Variants in WDFY2 observed in about 807,000 individuals in gnomAD.
The protein encoded by WDFY2 is WD repeat and FYVE domain containing 2.
A neutral mutation model predicts 56.4 loss-of-function variants in WDFY2; 36 were observed. The ratio of observed to expected loss-of-function variants is 0.64; its 90% confidence interval spans 0.49 to 0.84. WDFY2 has a LOEUF of 0.84. WDFY2 is among the 40% of genes least tolerant of loss of function. The probability of loss-of-function intolerance (pLI) is 0.00; values close to 1 mark genes in which losing one functional copy is unlikely to be tolerated. For missense variants in WDFY2, 444 were observed against 512.2 expected (o/e 0.87, Z 1.29); for synonymous variants, 176 against 183.7 (o/e 0.96, Z 0.34).
At chr13:51,745,773 G>A (rs776913166) in intron 7 of WDFY2, among the ~76,000 whole-genome samples, 1 of 145,480 alleles carries the variant, frequency 6.9e-6, no homozygotes, top group Non-Finnish European at 1.5e-5. Context: ...AAACCAGGCT[G>A]GTCTTATGAG....
rs754163729 is a variant in WDFY2 at position 51,675,175 on chromosome 13, T to C, written c.211T>C (p.Cys71Arg). 6.2e-6 allele frequency: 10 copies of C among 1,613,822 alleles called. No homozygotes were observed. In the Admixed American group the frequency reaches 6.7e-5, roughly 11 times the overall value. The change falls in exon 3 of 12, where the codon TGT becomes CGT. Residue 71 changes from cysteine (C) to arginine (R), a missense_variant. Cys to Arg is a radical substitution (Grantham distance 180). Transcript: ENST00000298125. ...PSVYHAMPSPCSCMSFNPETR... is the reference protein window; with the variant it reads ...PSVYHAMPSPRSCMSFNPETR... Reference sequence around the variant, plus strand: ...AACATGTTCATTTCTTTCAGCTCCATGTTCATGCATGTCTTTTAACCCGGA... The same window carrying C: ...AACATGTTCATTTCTTTCAGCTCCACGTTCATGCATGTCTTTTAACCCGGA...
intron 4 of WDFY2, among the ~76,000 whole-genome samples, chr13:51,716,168 AG>A (rs1379328737): frequency 6.6e-6 from 1 of 152,198 alleles, no homozygotes; most frequent in Non-Finnish European, 1.5e-5. Context: ...TGTCAGGAAT[AG>A]GAGGGAATTC....
At chr13:51,648,812 G>A (rs1459293559) in intron 1 of WDFY2, among the ~76,000 whole-genome samples, 2 of 152,198 alleles carry the variant, frequency 1.3e-5, no homozygotes, top group Non-Finnish European at 2.9e-5. Flanking sequence ...CTGTTGAAAT[G>A]TGATCAGCTG....
At chr13:51,628,018 C>T (rs1954870321) in intron 1 of WDFY2, among the ~76,000 whole-genome samples, 1 of 152,156 alleles carries the variant, frequency 6.6e-6, no homozygotes, top group African/African-American at 2.4e-5. Flanking sequence ...CATAAGTTCT[C>T]GTTTTGGGCC....
chr13:51,620,348 G>A (rs1233091515), intron 1 of WDFY2, among the ~76,000 whole-genome samples: 1 of 152,006 alleles, frequency 6.6e-6, no homozygotes, highest in African/African-American at 2.4e-5. Context: ...GGCTGAGGAC[G>A]GCATCCCTCC....
chr13:51,594,819 C>T (rs1482120229), intron 1 of WDFY2, among the ~76,000 whole-genome samples: 2 of 152,152 alleles, frequency 1.3e-5, no homozygotes, highest in South Asian at 4.1e-4. Context: ...ACCTGCAGCA[C>T]CTGCAGCACT....
intron 3 of WDFY2, among the ~76,000 whole-genome samples, chr13:51,677,062 G>C (rs1455745698): frequency 6.6e-6 from 1 of 152,188 alleles, no homozygotes; most frequent in East Asian, 1.9e-4. Flanking sequence ...AGAAAGATGA[G>C]CAAAGTAAGT....
intron 2 of WDFY2, among the ~76,000 whole-genome samples, chr13:51,661,899 G>A (rs920534899): frequency 6.6e-6 from 1 of 152,142 alleles, no homozygotes; most frequent in Admixed American, 6.5e-5. Flanking sequence ...AGCCATGGCG[G>A]TGATGAGGGT....
At chr13:51,683,588 C>T (rs967174528) in intron 3 of WDFY2, among the ~76,000 whole-genome samples, 1 of 152,168 alleles carries the variant, frequency 6.6e-6, no homozygotes, top group Non-Finnish European at 1.5e-5. Context: ...ATATATCTTC[C>T]AGGGAATCAT....
chr13:51,727,263 T>G (rs1952624040), intron 5 of WDFY2, among the ~76,000 whole-genome samples: 1 of 152,194 alleles, frequency 6.6e-6, no homozygotes. Context: ...GCACCAATAC[T>G]ACACTTTTAA....
chr13:51,708,446 T>A (rs1380755707), intron 4 of WDFY2, among the ~76,000 whole-genome samples: 5 of 151,902 alleles, frequency 3.3e-5, no homozygotes, highest in Non-Finnish European at 7.4e-5. Context: ...ACCATTGTAC[T>A]CTACCCTGGG....
At chr13:51,664,169 G>A (rs1388412213) in intron 2 of WDFY2, among the ~76,000 whole-genome samples, 1 of 152,170 alleles carries the variant, frequency 6.6e-6, no homozygotes, top group Non-Finnish European at 1.5e-5. Context: ...TGGGGGAGTT[G>A]CAGACAAGAG....
At chr13:51,586,093 G>A in intron 1 of WDFY2, 2 of 398,542 alleles carry the variant, frequency 5.0e-6, no homozygotes, top group Non-Finnish European at 8.8e-6. Context: ...GAAATTCATG[G>A]CTGAAATGGA....
chr13:51,763,128 T>C lies in WDFY2; in HGVS notation c.*3359T>C, dbSNP rs1168796735. ...ATTAGTTATACAGGGCAGTTAGATA[T>C]GGCTGAGATGTAAACAAGAGAATCT... On this transcript the variant is annotated 3_prime_UTR_variant, in exon 12 of 12. Coordinates refer to ENST00000298125, the MANE Select transcript of WDFY2 (RefSeq NM_052950.4). 1 of 152,188 alleles carries C rather than the reference T, an allele frequency of 6.6e-6. No homozygotes were observed. Among genetic ancestry groups the C allele is most frequent in the Non-Finnish European group, 1.5e-5 (1 of 68,034 alleles). 9.4% of individuals were successfully genotyped at this position (152,188 alleles called of 1,614,324 possible). A position where few individuals can be genotyped will look rare whatever the true frequency, so the allele number is the denominator to read the frequency against.
chr13:51,725,207 C>T (rs567837253), intron 5 of WDFY2, among the ~76,000 whole-genome samples: 5 of 152,066 alleles, frequency 3.3e-5, no homozygotes, highest in Non-Finnish European at 5.9e-5. Flanking sequence ...GTTTATCCTA[C>T]GGTTTATTTA....
At chr13:51,585,906 G>T in intron 1 of WDFY2, 1 of 397,370 alleles carries the variant, frequency 2.5e-6, no homozygotes, top group Non-Finnish European at 4.4e-6. Flanking sequence ...CAACAATTGA[G>T]CTCGATAGGT....
intron 5 of WDFY2, 40 bp downstream of exon 5, chr13:51,719,388 A>G: frequency 6.6e-7 from 1 of 1,523,094 alleles, no homozygotes; most frequent in South Asian, 1.3e-5. Flanking sequence ...TGGGAACTTA[A>G]CTGTTGTTCT....
intron 6 of WDFY2, among the ~76,000 whole-genome samples, chr13:51,737,805 GAGGGC>G (rs1020021689): frequency 6.6e-6 from 1 of 152,112 alleles, no homozygotes; most frequent in African/African-American, 2.4e-5. Flanking sequence ...GGTCGGGGGT[GAGGGC>G]TGGGCTACAT....
chr13:51,613,842 G>T (rs958946094), intron 1 of WDFY2, among the ~76,000 whole-genome samples: 6 of 152,044 alleles, frequency 3.9e-5, no homozygotes, highest in Non-Finnish European at 2.9e-5. Context: ...CTTGAATTTT[G>T]TACTTGAAGT....
Sources: allele counts gnomAD v4.1 joint callset (sites outside exome capture counted in the v4.1 genomes callset), GRCh38; gene constraint gnomAD v4.1.1; transcripts MANE v1.5; gene names NCBI Gene and HGNC (gene_info 2026-07-23, HGNC 2026-07-21).